Variants in ARHGAP32 observed in about 807,000 individuals in gnomAD.
The protein encoded by ARHGAP32 is Rho GTPase activating protein 32.
Under a neutral mutation model 186.5 loss-of-function variants are expected in ARHGAP32, and 51 were observed. The ratio of observed to expected loss-of-function variants is 0.27; its 90% CI spans 0.22 to 0.35. The LOEUF (loss-of-function observed/expected upper bound fraction) is 0.35. Among genes scored for constraint, ARHGAP32 ranks in the 10% least tolerant of loss-of-function variants. The pLI is 1.00. For missense variants in ARHGAP32, 2,186 were observed against 2,623.5 expected (o/e 0.83, Z 3.64); for synonymous variants, 950 against 964.3 (o/e 0.99, Z 0.27).
chr11:128,996,820 C>T lies in ARHGAP32; in HGVS notation c.1195+1499G>A, dbSNP rs535437536. On this transcript the variant is annotated intron_variant, in intron 12 of 22. Coordinates refer to ENST00000682385, the MANE Select transcript of ARHGAP32 (RefSeq NM_001378024.1). Reference sequence around the variant, plus strand: ...TTTTGGAGACAAGGTCTTGCTCCGTCGCCCAGGCTGGAGTGCAGTGGCGTG... The same window carrying T: ...TTTTGGAGACAAGGTCTTGCTCCGTTGCCCAGGCTGGAGTGCAGTGGCGTG... Among the ~76,000 whole-genome samples, 16 of 151,984 alleles carry T rather than the reference C, an allele frequency of 1.1e-4. 1 individual carries two copies. In the East Asian group the frequency reaches 1.9e-3, roughly 18 times the overall value.
At chr11:129,242,921 A>G (rs117122863) in intron 1 of ARHGAP32, among the ~76,000 whole-genome samples, 1 of 152,126 alleles carries the variant, frequency 6.6e-6, no homozygotes, top group Non-Finnish European at 1.5e-5. Flanking sequence ...TACTAACTGC[A>G]CACACACACC....
Position 128,986,508 on chromosome 11 carries a change from A to T in ARHGAP32, c.1443+16T>A. On this transcript the variant is annotated intron_variant, in intron 14 of 22. Transcript: ENST00000682385. ...AGTTCCACAAAGAATTAGATTCAAA[A>T]GTAGCCTGTACTCACAGAAAATTTC... is the stretch of plus-strand genomic sequence containing the variant. 6.2e-7 allele frequency: 1 copy of T among 1,613,324 alleles called. No individual in the cohort carries two copies. The highest frequency in any genetic ancestry group is 8.5e-7 in the Non-Finnish European group (1 of 1,179,546).
chr11:128,986,633 G>T lies in ARHGAP32; in HGVS notation c.1334C>A (p.Thr445Lys), dbSNP rs139073654. ...GATGTCCTGAACATACGGTTCTTTC[G>T]TCAGGTCGGGGACGTGCTCAGAGTC... ...EFDSEHVPDL[T>K]KEPYVQDIHS... Residue 445 changes from threonine to lysine, a missense_variant, in exon 14 of 23, where the codon ACG (threonine) becomes AAG (lysine). This residue lies in a region of ARHGAP32 where 308 missense variants were observed against 596.5 expected (regional missense o/e 0.52). Transcript: ENST00000682385. The T allele has an allele frequency of 1.2e-6, 2 of 1,614,054 alleles. No homozygotes were observed. Among genetic ancestry groups the T allele is most frequent in the South Asian group, 1.1e-5 (1 of 91,078 alleles).
At chr11:129,251,933 C>A (rs1406400144) in intron 1 of ARHGAP32, among the ~76,000 whole-genome samples, 182 of 134,246 alleles carry the variant, frequency 1.4e-3, no homozygotes, top group African/African-American at 1.4e-3. Flanking sequence ...GACTTCATCT[C>A]AAAAAAAAAA....
intron 1 of ARHGAP32, among the ~76,000 whole-genome samples, chr11:129,174,833 A>C (rs1441070518): frequency 1.3e-5 from 2 of 151,222 alleles, no homozygotes; most frequent in African/African-American, 4.9e-5. Flanking sequence ...AAAACCACAA[A>C]GATGGGGAAA....
intron 1 of ARHGAP32, among the ~76,000 whole-genome samples, chr11:129,250,880 A>T (rs961871225): frequency 3.3e-5 from 5 of 152,190 alleles, no homozygotes; most frequent in African/African-American, 1.2e-4. Flanking sequence ...CCTCACACTT[A>T]ATCTTCGTAG....
chr11:129,180,453 C>T (rs566944122), intron 1 of ARHGAP32, among the ~76,000 whole-genome samples: 9 of 152,166 alleles, frequency 5.9e-5, no homozygotes, highest in African/African-American at 2.2e-4. Flanking sequence ...ATTTATCAAG[C>T]TGTACATTTA....
intron 11 of ARHGAP32, among the ~76,000 whole-genome samples, chr11:129,006,740 G>GT (rs1425364145): frequency 6.6e-6 from 1 of 152,154 alleles, no homozygotes; most frequent in Admixed American, 6.5e-5. Flanking sequence ...GCTACTGCCT[G>GT]TGTTTGTTCA....
chr11:129,028,177 A>G (rs1453568495), intron 11 of ARHGAP32, among the ~76,000 whole-genome samples: 2 of 152,220 alleles, frequency 1.3e-5, no homozygotes, highest in Non-Finnish European at 2.9e-5. Context: ...GCAGGTGGGG[A>G]AAAAAGACAT....
intron 5 of ARHGAP32, among the ~76,000 whole-genome samples, chr11:129,113,738 G>A (rs1036462066): frequency 1.3e-5 from 2 of 152,056 alleles, no homozygotes; most frequent in African/African-American, 2.4e-5. Context: ...AGTAGGGATC[G>A]CTATGTATTT....
intron 5 of ARHGAP32, among the ~76,000 whole-genome samples, chr11:129,114,245 T>A (rs1041601023): frequency 6.6e-6 from 1 of 152,088 alleles, no homozygotes; most frequent in African/African-American, 2.4e-5. Context: ...ACAAGCACCT[T>A]TGTCTGTACT....
chr11:129,002,220 A>G (rs1391801078), intron 11 of ARHGAP32, among the ~76,000 whole-genome samples: 1 of 152,126 alleles, frequency 6.6e-6, no homozygotes, highest in Admixed American at 6.5e-5. Context: ...GACTCTCCGA[A>G]TCCATGAACG....
chr11:129,180,285 T>C (rs1042759879), intron 1 of ARHGAP32, among the ~76,000 whole-genome samples: 4 of 152,164 alleles, frequency 2.6e-5, no homozygotes, highest in African/African-American at 9.7e-5. Flanking sequence ...TCTATTGGCA[T>C]TAAGTTCAAG....
chr11:128,977,851 TTTATTATTA>T (rs58982581), intron 19 of ARHGAP32, among the ~76,000 whole-genome samples: 31,828 of 138,792 alleles, frequency 0.23, 4,231 homozygotes, highest in African/African-American at 0.37. Flanking sequence ...TTATTTGCAA[TTTATTATTA>T]TTATTATTAT....
At chr11:129,052,288 C>T (rs1940083557) in intron 10 of ARHGAP32, among the ~76,000 whole-genome samples, 1 of 152,124 alleles carries the variant, frequency 6.6e-6, no homozygotes, top group African/African-American at 2.4e-5. Context: ...CCACCAATAC[C>T]ACACTCTCTT....
At chr11:129,122,948 A>G (rs1436957523) in intron 5 of ARHGAP32, among the ~76,000 whole-genome samples, 1 of 152,130 alleles carries the variant, frequency 6.6e-6, no homozygotes, top group Non-Finnish European at 1.5e-5. Context: ...ATAATGTACA[A>G]AGGACATTAA....
intron 5 of ARHGAP32, among the ~76,000 whole-genome samples, chr11:129,099,275 T>C (rs1311617827): frequency 6.6e-6 from 1 of 152,192 alleles, no homozygotes; most frequent in African/African-American, 2.4e-5. Flanking sequence ...CATAAGATTA[T>C]AAAACCACAT....
At chr11:128,992,620 A>T (rs898041187) in intron 12 of ARHGAP32, among the ~76,000 whole-genome samples, 3 of 151,800 alleles carry the variant, frequency 2.0e-5, no homozygotes, top group African/African-American at 4.8e-5. Context: ...CTACCAAAAA[A>T]TACAGGAAAA....
rs189392008 is a variant in ARHGAP32 at position 129,141,283 on chromosome 11, G to A, written c.226-16389C>T. On this transcript the variant is annotated intron_variant, in intron 2 of 22. Transcript: ENST00000682385. ...CGGATGTTCTGTTAAAAAACTCTCAGCATTGCCATAAAAAAGGATGAGTTC... is the reference window on the plus strand; with the variant it reads ...CGGATGTTCTGTTAAAAAACTCTCAACATTGCCATAAAAAAGGATGAGTTC... Among the ~76,000 whole-genome samples the A allele has an allele frequency of 6.0e-5, 9 of 151,088 alleles. No homozygotes were observed. The East Asian group carries it at 1.7e-3, about 29-fold the overall frequency.
Sources: gnomAD v4.1 joint callset for allele counts (sites outside exome capture counted in the v4.1 genomes callset) on GRCh38, gnomAD v4.1.1 for gene constraint, gnomAD v4.1.1 regional missense constraint, MANE v1.5 for transcripts, NCBI Gene and HGNC (gene_info 2026-07-23, HGNC 2026-07-21) for gene names.